The following SRPK2 variants were observed in gnomAD, a reference collection of about 807,000 sequenced individuals.
The protein encoded by SRPK2 is SFRS protein kinase 2.
In SRPK2, 21 loss-of-function variants were observed where a neutral mutation model predicts 90.8. The ratio of observed to expected loss-of-function variants is 0.23; its 90% CI spans 0.16 to 0.33. The LOEUF (loss-of-function observed/expected upper bound fraction) is 0.33. Among genes scored for constraint, SRPK2 ranks in the 10% least tolerant of loss-of-function variants. SRPK2 has a pLI of 1.00. For missense variants in SRPK2, 620 were observed against 869.0 expected, an observed-to-expected ratio of 0.71 and a Z score of 3.60; for synonymous variants, 288 against 311.1, an observed-to-expected ratio of 0.93 and a Z score of 0.78.
chr7:105,392,818 C>CT (rs548165993), upstream of SRPK2, among the ~76,000 whole-genome samples: 152 of 144,060 alleles, frequency 1.1e-3, no homozygotes, highest in East Asian at 4.6e-3. Flanking sequence ...TTCTTTTTTT[C>CT]TTTTTTTTTT....
chr7:105,201,146 CAG>C (rs1227641750), intron 3 of SRPK2, among the ~76,000 whole-genome samples: 1 of 152,160 alleles, frequency 6.6e-6, no homozygotes, highest in African/African-American at 2.4e-5. Flanking sequence ...GGTCTTATTC[CAG>C]ACATTCCAAA....
At chr7:105,277,015 T>C (rs560621402) in intron 2 of SRPK2, among the ~76,000 whole-genome samples, 3 of 152,272 alleles carry the variant, frequency 2.0e-5, no homozygotes, top group East Asian at 3.9e-4. Flanking sequence ...TTTCACATGT[T>C]TACACATTCT....
intron 2 of SRPK2, among the ~76,000 whole-genome samples, chr7:105,300,168 G>A (rs1315381738): frequency 6.9e-6 from 1 of 144,746 alleles, no homozygotes; most frequent in African/African-American, 2.6e-5. Flanking sequence ...CAGGAGAATT[G>A]CTTCAACTCG....
chr7:105,234,449 C>T (rs558966666), intron 2 of SRPK2, among the ~76,000 whole-genome samples: 34 of 152,070 alleles, frequency 2.2e-4, no homozygotes, highest in South Asian at 6.2e-4. Context: ...CTACGATGTG[C>T]TAAATACCAT....
intron 2 of SRPK2, among the ~76,000 whole-genome samples, chr7:105,305,577 T>A (rs992844195): frequency 7.9e-5 from 12 of 151,932 alleles, no homozygotes; most frequent in African/African-American, 2.9e-4. Flanking sequence ...GTTACTTTAA[T>A]TCTTCTGTGT....
intron 3 of SRPK2, among the ~76,000 whole-genome samples, chr7:105,185,542 T>C (rs1237276518): frequency 6.6e-6 from 1 of 152,102 alleles, no homozygotes; most frequent in Non-Finnish European, 1.5e-5. Flanking sequence ...TTACGTTCTC[T>C]TGTCAAAAAA....
intron 2 of SRPK2, among the ~76,000 whole-genome samples, chr7:105,357,356 T>TA (rs1285017754): frequency 6.6e-6 from 1 of 152,182 alleles, no homozygotes; most frequent in Non-Finnish European, 1.5e-5. Flanking sequence ...ACTAATTTTT[T>TA]AAAAAACTGC....
intron 7 of SRPK2, 92 bp from the exon 8 acceptor site, chr7:105,146,750 G>A: frequency 7.5e-7 from 1 of 1,328,434 alleles, no homozygotes; most frequent in Non-Finnish European, 1.0e-6. Flanking sequence ...ACAATGCCAG[G>A]GTACAAAGTT....
At chr7:105,313,750 C>CA (rs1373429253) in intron 2 of SRPK2, among the ~76,000 whole-genome samples, 4 of 150,414 alleles carry the variant, frequency 2.7e-5, no homozygotes, top group Admixed American at 6.6e-5. Flanking sequence ...GACTCTGTCT[C>CA]AAAAAAAAGC....
intron 1 of SRPK2, among the ~76,000 whole-genome samples, chr7:105,395,010 T>C (rs889343090): frequency 6.6e-6 from 1 of 151,972 alleles, no homozygotes; most frequent in Non-Finnish European, 1.5e-5. Context: ...CCATCTCTAC[T>C]AAAAATACAA....
chr7:105,210,071 T>C (rs1027068515), intron 2 of SRPK2, among the ~76,000 whole-genome samples: 2 of 152,202 alleles, frequency 1.3e-5, no homozygotes, highest in African/African-American at 4.8e-5. Context: ...CTGCTCTAAA[T>C]TGCCATGGCA....
At chr7:105,293,021 GC>G (rs1809267976) in intron 2 of SRPK2, among the ~76,000 whole-genome samples, 1 of 151,946 alleles carries the variant, frequency 6.6e-6, no homozygotes, top group South Asian at 2.1e-4. Flanking sequence ...GGTGGCTCAC[GC>G]CTGTAATCCC....
chr7:105,210,512 G>A (rs541549437), intron 2 of SRPK2, among the ~76,000 whole-genome samples: 15 of 152,194 alleles, frequency 9.9e-5, no homozygotes, highest in African/African-American at 2.6e-4. Context: ...ATAATGTTTC[G>A]AACTTCAGAT....
chr7:105,146,776 G>A, intron 7 of SRPK2, 118 bp from the exon 8 acceptor site: 1 of 1,098,492 alleles, frequency 9.1e-7, no homozygotes, highest in South Asian at 1.5e-5. Flanking sequence ...AACACAAAAG[G>A]ATATTTAGTA....
chr7:105,354,657 C>A (rs1454413880), intron 2 of SRPK2, among the ~76,000 whole-genome samples: 2 of 152,212 alleles, frequency 1.3e-5, no homozygotes, highest in African/African-American at 4.8e-5. Flanking sequence ...CAGCCCTGGT[C>A]TCTACCTGCT....
chr7:105,258,219 C>T (rs115567377), intron 2 of SRPK2, among the ~76,000 whole-genome samples: 2,398 of 151,228 alleles, frequency 0.016, 67 homozygotes, highest in African/African-American at 0.055. Context: ...GAGTCCTACA[C>T]CAGCCTGACC....
At chr7:105,329,535 A>G (rs1336297025) in intron 2 of SRPK2, among the ~76,000 whole-genome samples, 1 of 151,170 alleles carries the variant, frequency 6.6e-6, no homozygotes, top group African/African-American at 2.4e-5. Flanking sequence ...TGGAGGCTGC[A>G]GTGAGCCGAG....
intron 2 of SRPK2, among the ~76,000 whole-genome samples, chr7:105,270,222 G>A (rs1228466820): frequency 6.6e-6 from 1 of 152,170 alleles, no homozygotes; most frequent in Non-Finnish European, 1.5e-5. Flanking sequence ...ACAGGGTGTA[G>A]CCAAGCTGCC....
At chr7:105,316,148 C>A (rs901849031) in intron 2 of SRPK2, among the ~76,000 whole-genome samples, 8 of 151,744 alleles carry the variant, frequency 5.3e-5, no homozygotes, top group Non-Finnish European at 7.4e-5. Context: ...CCTCAGCCTC[C>A]CAAGTAGCTG....
Sources: allele counts gnomAD v4.1 joint callset (sites outside exome capture counted in the v4.1 genomes callset), GRCh38; gene constraint gnomAD v4.1.1; transcripts MANE v1.5; gene names NCBI Gene and HGNC (gene_info 2026-07-23, HGNC 2026-07-21).